The following MEGF10 variants were observed in gnomAD, a reference collection of about 807,000 sequenced individuals.
The protein encoded by MEGF10 is multiple epidermal growth factor-like domains protein 10.
Under a neutral mutation model 147.5 loss-of-function variants are expected in MEGF10, and 86 were observed. That is an observed-to-expected ratio of 0.58 (90% CI 0.49 to 0.70). MEGF10 has a LOEUF of 0.70. MEGF10 is among the 30% of genes least tolerant of loss of function. The probability of loss-of-function intolerance (pLI) is 0.00; values close to 1 mark genes in which losing one functional copy is unlikely to be tolerated. For synonymous variants in MEGF10, 478 were observed against 525.5 expected (o/e 0.91, Z 1.24); for missense variants, 1,329 against 1,487.3 (o/e 0.89, Z 1.75).
intron 5 of MEGF10, among the ~76,000 whole-genome samples, chr5:127,372,109 CA>C (rs1416742262): frequency 1.3e-5 from 2 of 152,102 alleles, no homozygotes; most frequent in Non-Finnish European, 2.9e-5. Flanking sequence ...TGCTACTTAG[CA>C]AAATTTAAAT....
chr5:127,386,289 A>T (rs150326906), intron 5 of MEGF10, among the ~76,000 whole-genome samples: 140 of 152,360 alleles, frequency 9.2e-4, no homozygotes, highest in Non-Finnish European at 1.7e-3. Flanking sequence ...CTGTTGTCTT[A>T]GTTGGTGAAC....
At chr5:127,295,380 G>A (rs1759447876) in intron 1 of MEGF10, among the ~76,000 whole-genome samples, 1 of 152,094 alleles carries the variant, frequency 6.6e-6, no homozygotes, top group Non-Finnish European at 1.5e-5. Flanking sequence ...TTCAATAAAT[G>A]TCTGATTCAG....
At position 127,459,094 on chromosome 5, in the gene MEGF10, T is replaced by C. The variant is rs935809312; in HGVS notation, c.*1776T>C. 4 of 152,230 alleles carry C rather than the reference T, an allele frequency of 2.6e-5. No individual in the cohort carries two copies. Among genetic ancestry groups the C allele is most frequent in the African/African-American group, 4.8e-5 (2 of 41,458 alleles). 9.4% of individuals were successfully genotyped at this position (152,230 alleles called of 1,614,324 possible). ...TCTTTTAAAGACATGAAATCCTATA[T>C]GGCATTCTGTCTCAGTGAGTCAGTT... On this transcript the variant is annotated 3_prime_UTR_variant, in exon 25 of 25. Transcript: ENST00000503335.
At chr5:127,386,694 G>T (rs547677641) in intron 5 of MEGF10, among the ~76,000 whole-genome samples, 63 of 152,254 alleles carry the variant, frequency 4.1e-4, no homozygotes, top group African/African-American at 1.5e-3. Flanking sequence ...TACATTGTGA[G>T]AACTAAGTTG....
At chr5:127,389,690 T>A (rs376951763) in intron 5 of MEGF10, among the ~76,000 whole-genome samples, 8 of 152,148 alleles carry the variant, frequency 5.3e-5, no homozygotes, top group African/African-American at 1.9e-4. Context: ...AAATACTGCA[T>A]GTTCTCATTT....
intron 1 of MEGF10, among the ~76,000 whole-genome samples, chr5:127,309,681 A>AT (rs1200461257): frequency 6.6e-6 from 1 of 152,186 alleles, no homozygotes; most frequent in East Asian, 1.9e-4. Context: ...GTGTTTATCC[A>AT]TTCATTCATT....
At chr5:127,308,994 G>A (rs1760139316) in intron 1 of MEGF10, among the ~76,000 whole-genome samples, 1 of 152,180 alleles carries the variant, frequency 6.6e-6, no homozygotes, top group African/African-American at 2.4e-5. Context: ...GTAACGAGAT[G>A]TAAAATTCTG....
intron 1 of MEGF10, among the ~76,000 whole-genome samples, chr5:127,316,573 T>C (rs1760555765): frequency 6.6e-6 from 1 of 152,216 alleles, no homozygotes; most frequent in Non-Finnish European, 1.5e-5. Flanking sequence ...TGCAGTTGTA[T>C]ATTAGCAATT....
chr5:127,425,043 T>A (rs576877494), intron 13 of MEGF10, among the ~76,000 whole-genome samples: 13 of 152,220 alleles, frequency 8.5e-5, no homozygotes, highest in Non-Finnish European at 1.9e-4. Context: ...AGAAAGAATG[T>A]GAGGTGTTCC....
chr5:127,371,937 C>T (rs1270515134), intron 5 of MEGF10, among the ~76,000 whole-genome samples: 1 of 152,118 alleles, frequency 6.6e-6, no homozygotes, highest in African/African-American at 2.4e-5. Flanking sequence ...ATCTTTGATA[C>T]CTTTTTAAGC....
chr5:127,312,879 A>G (rs1760354227), intron 1 of MEGF10, among the ~76,000 whole-genome samples: 1 of 152,210 alleles, frequency 6.6e-6, no homozygotes, highest in South Asian at 2.1e-4. Flanking sequence ...AAATTACCAT[A>G]TTTTAATAAG....
Position 127,420,162 on chromosome 5 carries a change from G to T in MEGF10, c.1545G>T (p.Thr515=), listed in dbSNP as rs746841526. Residue 515 remains threonine (T), a synonymous_variant, in exon 12 of 25, where the codon ACG becomes ACT. Coordinates refer to ENST00000503335, the MANE Select transcript of MEGF10 (RefSeq NM_001256545.2). ...GCAACACCCTGGACGGGACCTGCAC[G>T]TGTGCACCTGGATGGCGCGGGGAGA... The part of the protein sequence containing the change: ...GACNTLDGTC[T]CAPGWRGEKC... 5 of 1,614,210 alleles carry T rather than the reference G, an allele frequency of 3.1e-6. No homozygotes were observed. The highest frequency in any genetic ancestry group is 2.2e-5 in the East Asian group (1 of 44,880).
chr5:127,387,394 T>C (rs1763472486), intron 5 of MEGF10, among the ~76,000 whole-genome samples: 1 of 152,186 alleles, frequency 6.6e-6, no homozygotes, highest in African/African-American at 2.4e-5. Flanking sequence ...ATATTCCTTA[T>C]CAAAACTATT....
intron 2 of MEGF10, among the ~76,000 whole-genome samples, chr5:127,337,817 C>T (rs1761525470): frequency 6.6e-6 from 1 of 152,102 alleles, no homozygotes; most frequent in Non-Finnish European, 1.5e-5. Flanking sequence ...ATCTGCTGAA[C>T]ATCTCCCAGT....
At chr5:127,314,316 G>A (rs1030720756) in intron 1 of MEGF10, among the ~76,000 whole-genome samples, 4 of 152,118 alleles carry the variant, frequency 2.6e-5, no homozygotes, top group African/African-American at 7.2e-5. Context: ...CTTGCAGATG[G>A]GGAGAGAAGT....
intron 1 of MEGF10, among the ~76,000 whole-genome samples, chr5:127,328,476 C>T (rs1159454161): frequency 2.0e-5 from 3 of 152,166 alleles, no homozygotes; most frequent in Admixed American, 6.5e-5. Flanking sequence ...ACTTCCAAAG[C>T]AATGAGAAGG....
At chr5:127,336,546 G>C (rs1231219730) in intron 2 of MEGF10, among the ~76,000 whole-genome samples, 1 of 152,068 alleles carries the variant, frequency 6.6e-6, no homozygotes, top group African/African-American at 2.4e-5. Flanking sequence ...TTGGTTCCTA[G>C]AAACCAGTGA....
At chr5:127,378,574 T>C (rs1763123385) in intron 5 of MEGF10, among the ~76,000 whole-genome samples, 1 of 152,124 alleles carries the variant, frequency 6.6e-6, no homozygotes, top group African/African-American at 2.4e-5. Flanking sequence ...CACCTCAGCC[T>C]CCCGAGTAGC....
chr5:127,363,325 T>C (rs1021748562), intron 4 of MEGF10, among the ~76,000 whole-genome samples: 2 of 152,214 alleles, frequency 1.3e-5, no homozygotes, highest in Non-Finnish European at 1.5e-5. Flanking sequence ...AGGATCCTTA[T>C]GTCATGATAA....
Sources: allele counts gnomAD v4.1 joint callset (sites outside exome capture counted in the v4.1 genomes callset), GRCh38; gene constraint gnomAD v4.1.1; transcripts MANE v1.5; gene names NCBI Gene and HGNC (gene_info 2026-07-23, HGNC 2026-07-21).